RNFT2: variants seen among roughly 807,000 people sequenced by gnomAD.
RNFT2 encodes E3 ubiquitin-protein ligase RNFT2.
In RNFT2, 36 loss-of-function variants were observed where a neutral mutation model predicts 53.0. The ratio of observed to expected loss-of-function variants is 0.68; its 90% CI spans 0.52 to 0.90. RNFT2 has a LOEUF of 0.90. Among genes scored for constraint, RNFT2 ranks in the 40% least tolerant of loss-of-function variants. The pLI is 0.00. For missense variants in RNFT2, 514 were observed against 585.6 expected (o/e 0.88, Z 1.26); for synonymous variants, 260 against 253.2 (o/e 1.03, Z -0.26).
intron 3 of RNFT2, among the ~76,000 whole-genome samples, chr12:116,744,330 C>T (rs1871795823): frequency 6.6e-6 from 1 of 152,102 alleles, no homozygotes; most frequent in Non-Finnish European, 1.5e-5. Context: ...ACCTTTTCCG[C>T]CTCTAAAGAC....
chr12:116,738,716 T>TAA (rs1313862010), intron 1 of RNFT2: 1 of 152,090 alleles, frequency 6.6e-6, no homozygotes, highest in Non-Finnish European at 1.5e-5. Context: ...CGTGCAAAAA[T>TAA]TTATTCCAGA....
chr12:116,757,686 G>A (rs1872563065), intron 5 of RNFT2, among the ~76,000 whole-genome samples: 1 of 152,114 alleles, frequency 6.6e-6, no homozygotes, highest in African/African-American at 2.4e-5. Context: ...GTCTGAGAGA[G>A]TACTTGATAT....
In RNFT2 at chr12:116,755,700, C is replaced by T; in HGVS notation, c.627+1640C>T. ...ACATTGTAGACTCTTCCAGTTTTGC[C>T]ATGGTAACACTTACGGGGCATTCCT... is the stretch of plus-strand genomic sequence containing the variant. On this transcript the variant is annotated intron_variant, in intron 5 of 10. Transcript: ENST00000257575. 3.3e-6 allele frequency: 5 copies of T among 1,503,708 alleles called. No individual in the cohort carries two copies. In the South Asian group the frequency reaches 5.6e-5, roughly 17 times the overall value. The allele number at this position is 1,503,708 out of a possible 1,614,324, so 93.1% of individuals were successfully genotyped here.
At chr12:116,747,192 G>A (rs966516815) in intron 3 of RNFT2, among the ~76,000 whole-genome samples, 1 of 152,146 alleles carries the variant, frequency 6.6e-6, no homozygotes, top group African/African-American at 2.4e-5. Context: ...CACTAGCTGG[G>A]ACTACAGGTG....
At position 116,740,369 on chromosome 12, in the gene RNFT2, CT is replaced by C. The variant is rs1871547889; in HGVS notation, c.-128del. 3 of 876,070 alleles carry C rather than the reference CT, an allele frequency of 3.4e-6. No individual in the cohort carries two copies. The Admixed American group carries it at 6.2e-5, about 18-fold the overall frequency. 54.3% of individuals were successfully genotyped at this position (876,070 alleles called of 1,614,324 possible). On this transcript the variant is annotated 5_prime_UTR_variant, in exon 2 of 11. Transcript: ENST00000257575. ...GGTTTGGAGTCTCTGGCAAGCTCCC[CT>C]GACTGTGCATCCCTCTGGAGACGAA... is the stretch of plus-strand genomic sequence containing the variant.
intron 5 of RNFT2, chr12:116,755,733 C>A: frequency 6.8e-7 from 1 of 1,478,738 alleles, no homozygotes; most frequent in East Asian, 2.3e-5. Context: ...CCTTTTTGAA[C>A]AGTACCCATT....
chr12:116,745,372 G>A (rs1380130169), intron 3 of RNFT2, among the ~76,000 whole-genome samples: 2 of 151,572 alleles, frequency 1.3e-5, no homozygotes, highest in Non-Finnish European at 2.9e-5. Flanking sequence ...AGGGTTTTTT[G>A]CCATATTGGC....
At chr12:116,779,543 C>T (rs76612147) in intron 7 of RNFT2, among the ~76,000 whole-genome samples, 195 bp downstream of exon 7, 257 of 152,322 alleles carry the variant, frequency 1.7e-3, no homozygotes, top group African/African-American at 6.1e-3. Context: ...TTTGTCATCA[C>T]CACTTTGTCA....
intron 5 of RNFT2, among the ~76,000 whole-genome samples, chr12:116,758,081 C>A (rs1160929284): frequency 6.6e-6 from 1 of 152,130 alleles, no homozygotes; most frequent in African/African-American, 2.4e-5. Flanking sequence ...TATAATGTCC[C>A]TCTTTGTCTC....
chr12:116,839,413 ATGGG>A (rs776226531), intron 10 of RNFT2, among the ~76,000 whole-genome samples: 5,097 of 69,518 alleles, frequency 0.073, 187 homozygotes, highest in South Asian at 0.14. Context: ...GATGGATGGG[ATGGG>A]TGGGTGGGTG....
intron 3 of RNFT2, among the ~76,000 whole-genome samples, chr12:116,748,023 T>G (rs1444697586): frequency 6.6e-6 from 1 of 151,864 alleles, no homozygotes; most frequent in Non-Finnish European, 1.5e-5. Context: ...AAACCCTATC[T>G]CTCTAAAAAT....
intron 10 of RNFT2, among the ~76,000 whole-genome samples, chr12:116,838,279 C>T (rs757310299): frequency 1.3e-5 from 2 of 152,176 alleles, no homozygotes; most frequent in Admixed American, 6.5e-5. Flanking sequence ...CTGGGCCCAT[C>T]GTGTTGATTA....
chr12:116,799,132 A>T (rs183255702), intron 7 of RNFT2, among the ~76,000 whole-genome samples: 446 of 152,284 alleles, frequency 2.9e-3, no homozygotes, highest in Middle Eastern at 6.8e-3. Flanking sequence ...GTTCTGTGTG[A>T]TCGTAGGACT....
intron 7 of RNFT2, among the ~76,000 whole-genome samples, chr12:116,805,544 A>G (rs891323746): frequency 1.3e-5 from 2 of 152,102 alleles, no homozygotes; most frequent in Non-Finnish European, 2.9e-5. Flanking sequence ...GCGCAATCTC[A>G]GCTCAGTATA....
At chr12:116,832,146 A>ATATATATATATATATAT (rs59112507) in intron 7 of RNFT2, among the ~76,000 whole-genome samples, 17 of 71,078 alleles carry the variant, frequency 2.4e-4, no homozygotes, top group East Asian at 8.5e-4. Flanking sequence ...AAAAAAAAAA[A>ATATATATATATATATAT]AAATATATAT....
At chr12:116,778,905 G>T (rs2137116264) in intron 6 of RNFT2, among the ~76,000 whole-genome samples, 1 of 152,244 alleles carries the variant, frequency 6.6e-6, no homozygotes, top group Non-Finnish European at 1.5e-5. Flanking sequence ...CCCAGCCTAA[G>T]GTATTCTGTT....
chr12:116,852,366 C>A lies in RNFT2; in HGVS notation c.*2918C>A, dbSNP rs943227923. The A allele has an allele frequency of 1.4e-5, 18 of 1,260,028 alleles. No individual in the cohort carries two copies. The highest frequency in any genetic ancestry group is 4.4e-5 in the Admixed American group (1 of 22,484). 78.1% of individuals were successfully genotyped at this position (1,260,028 alleles called of 1,614,324 possible). ...CAGGACATTTGCCCCTGTGTGCCAC[C>A]AAACCAGGACTTTCCCCTTGGCTTG... is the stretch of plus-strand genomic sequence containing the variant. On this transcript the variant is annotated 3_prime_UTR_variant, in exon 11 of 11. Coordinates refer to ENST00000257575, the MANE Select transcript of RNFT2 (RefSeq NM_001382266.1).
At chr12:116,831,285 T>A (rs1592984726) in intron 7 of RNFT2, among the ~76,000 whole-genome samples, 1 of 152,108 alleles carries the variant, frequency 6.6e-6, no homozygotes, top group Admixed American at 6.5e-5. Context: ...AATTTATTGC[T>A]GAGTTTTGGT....
At position 116,836,295 on chromosome 12, in the gene RNFT2, C is replaced by T. The variant is rs1042285284; in HGVS notation, c.1200+13C>T. ...TCTCCTGTGCCAGGTGAGCAGGGCT[C>T]AGGCGGGACCATTGGAGACCAAGGC... On this transcript the variant is annotated intron_variant, in intron 10 of 10. Coordinates refer to ENST00000257575, the MANE Select transcript of RNFT2 (RefSeq NM_001382266.1). 6 of 1,556,770 alleles carry T rather than the reference C, an allele frequency of 3.9e-6. No individual in the cohort carries two copies. The highest frequency in any genetic ancestry group is 4.8e-5 in the East Asian group (2 of 41,560).
Sources: allele counts gnomAD v4.1 joint callset (sites outside exome capture counted in the v4.1 genomes callset), GRCh38; gene constraint gnomAD v4.1.1; transcripts MANE v1.5; gene names NCBI Gene and HGNC (gene_info 2026-07-23, HGNC 2026-07-21).